The following DNLZ variants were observed in gnomAD, a reference collection of about 807,000 sequenced individuals.
DNLZ encodes the protein DNL-type zinc finger protein.
In DNLZ, 15 loss-of-function variants were observed where a neutral mutation model predicts 7.8. That is an observed-to-expected ratio of 1.91 (90% CI 1.28 to 2.95). The LOEUF (loss-of-function observed/expected upper bound fraction) is 2.95. Ranked by LOEUF, DNLZ falls within the 30% of genes most tolerant of loss-of-function variation. The pLI is 0.00. For missense variants in DNLZ, 255 were observed against 167.3 expected, an observed-to-expected ratio of 1.52 and a Z score of -2.89; for synonymous variants, 123 against 77.8, an observed-to-expected ratio of 1.58 and a Z score of -3.05.
chr9:136,362,323 A>G, intron 2 of DNLZ, 143 bp from the exon 3 acceptor site: 1 of 691,442 alleles, frequency 1.4e-6, no homozygotes, highest in Non-Finnish European at 2.1e-6. Flanking sequence ...CGGGCACTTC[A>G]GACGCTGGCC....
Position 136,360,052 on chromosome 9 carries a change from G to A in DNLZ, c.*1960C>T, listed in dbSNP as rs1269367384. 1 of 152,306 alleles carries A rather than the reference G, an allele frequency of 6.6e-6. No homozygotes were observed. The highest frequency in any genetic ancestry group is 1.5e-5 in the Non-Finnish European group (1 of 68,098). The allele number at this position is 152,306 out of a possible 1,614,324, so 9.4% of individuals were successfully genotyped here. A position where few individuals can be genotyped will look rare whatever the true frequency, so the allele number is the denominator to read the frequency against. On this transcript the variant is annotated 3_prime_UTR_variant, in exon 3 of 3. Transcript: ENST00000371738. ...CGGCAGATCTGCAGTCTTGGGGCTT[G>A]TCTGGGCGCTGCTTGTGGTGGGTGG...
Position 136,363,346 on chromosome 9 carries a change from C to T in DNLZ, c.228+141G>A, listed in dbSNP as rs917462083. On this transcript the variant is annotated intron_variant, in intron 1 of 2. Transcript: ENST00000371738. Reference sequence around the variant, plus strand: ...CTCATGGTCCGCCTCCGCTCCCTCCCAGAAGCCCCAAGGGGTGGCTCCACT... The same window carrying T: ...CTCATGGTCCGCCTCCGCTCCCTCCTAGAAGCCCCAAGGGGTGGCTCCACT... The T allele has an allele frequency of 3.6e-5, 25 of 701,452 alleles. No homozygotes were observed. In the Middle Eastern group the frequency reaches 1.8e-3, roughly 51 times the overall value. 43.5% of individuals were successfully genotyped at this position (701,452 alleles called of 1,614,324 possible).
Position 136,363,144 on chromosome 9 carries a change from TAGCTGGTGAGGCTGTG to T in DNLZ, c.229-32_229-17del. 1 of 1,612,248 alleles carries T rather than the reference TAGCTGGTGAGGCTGTG, an allele frequency of 6.2e-7. No individual in the cohort carries two copies. The highest frequency in any genetic ancestry group is 8.5e-7 in the Non-Finnish European group (1 of 1,179,484). ...TCCCGCAGACCTGGCTGGGACAGGG[TAGCTGGTGAGGCTGTG>T]AGGGCCGCCACGCCCCTCCCGGGAA... On this transcript the variant is annotated splice_polypyrimidine_tract_variant and intron_variant, in intron 1 of 2. Transcript: ENST00000371738.
chr9:136,363,040 T>G lies in DNLZ; in HGVS notation c.317A>C (p.His106Pro). ...VIVTCPGCQNHHIIADNLGWF... is the reference protein window; with the variant it reads ...VIVTCPGCQNPHIIADNLGWF... ...GCCCAGGTTGTCAGCGATGATATGG[T>G]GGTTCTGGCAGCCGGGGCAGGTCAC... Residue 106 changes from histidine (H) to proline (P), a missense_variant, in exon 2 of 3, where the codon CAC becomes CCC. His to Pro is a moderately conservative substitution (Grantham distance 77, BLOSUM62 -2). Coordinates refer to ENST00000371738, the MANE Select transcript of DNLZ (RefSeq NM_001080849.3). The G allele has an allele frequency of 6.2e-7, 1 of 1,613,776 alleles. No homozygotes were observed. Among genetic ancestry groups the G allele is most frequent in the East Asian group, 2.2e-5 (1 of 44,876 alleles).
At chr9:136,363,388 C>A (rs147881655) in intron 1 of DNLZ, 99 bp downstream of exon 1, 8,608 of 748,790 alleles carry the variant, frequency 0.011, 74 homozygotes, top group Non-Finnish European at 0.016. Flanking sequence ...TGTGACTTGA[C>A]CACGCCGCCT....
intron 2 of DNLZ, among the ~76,000 whole-genome samples, 195 bp from the exon 3 acceptor site, chr9:136,362,375 G>A (rs1469448491): frequency 7.2e-5 from 11 of 152,178 alleles, no homozygotes; most frequent in Non-Finnish European, 1.3e-4. Flanking sequence ...GGTATGCGCC[G>A]CCTCAGGAAC....
intron 2 of DNLZ, 123 bp downstream of exon 2, chr9:136,362,866 T>C: frequency 2.4e-6 from 2 of 845,240 alleles, no homozygotes; most frequent in Non-Finnish European, 3.8e-6. Flanking sequence ...TGTCTTGTAT[T>C]GATAAGGTGG....
chr9:136,362,658 A>C (rs1833001788), intron 2 of DNLZ, among the ~76,000 whole-genome samples: 1 of 152,140 alleles, frequency 6.6e-6, no homozygotes, highest in African/African-American at 2.4e-5. Flanking sequence ...TGGGCCAGCC[A>C]CCCCAAGATG....
At chr9:136,363,419 C>T (rs1833021921) in intron 1 of DNLZ, 68 bp downstream of exon 1, 1 of 760,016 alleles carries the variant, frequency 1.3e-6, no homozygotes, top group East Asian at 2.4e-5. Context: ...CGGCGGGCCG[C>T]TTCTCCCCGC....
At chr9:136,363,369 A>G in intron 1 of DNLZ, 118 bp downstream of exon 1, 1 of 726,558 alleles carries the variant, frequency 1.4e-6, no homozygotes, top group Non-Finnish European at 2.5e-6. Context: ...GGGTGGCTCC[A>G]CTCCTTCCTG....
Position 136,363,524 on chromosome 9 carries a change from A to C in DNLZ, c.191T>G (p.Val64Gly). Reference sequence around the variant, plus strand: ...GACGAGCTGGTAGTGCGCCGCCTCCACGCGCCCCAGAGCCGCCGCGGGCCC... The same window carrying C: ...GACGAGCTGGTAGTGCGCCGCCTCCCCGCGCCCCAGAGCCGCCGCGGGCCC... ...GPGPAAALGR[V>G]EAAHYQLVYT... is the part of the protein sequence containing the mutation. Residue 64 changes from valine to glycine, a missense_variant, in exon 1 of 3, where the codon GTG becomes GGG. Coordinates refer to ENST00000371738, the MANE Select transcript of DNLZ (RefSeq NM_001080849.3). 2.7e-6 allele frequency: 2 copies of C among 750,092 alleles called. No individual in the cohort carries two copies. The highest frequency in any genetic ancestry group is 1.4e-5 in the South Asian group (1 of 73,378). 46.5% of individuals were successfully genotyped at this position (750,092 alleles called of 1,614,324 possible).
chr9:136,363,040 T>C lies in DNLZ; in HGVS notation c.317A>G (p.His106Arg). 1 of 1,613,776 alleles carries C rather than the reference T, an allele frequency of 6.2e-7. No individual in the cohort carries two copies. Among genetic ancestry groups the C allele is most frequent in the East Asian group, 2.2e-5 (1 of 44,876 alleles). ...VIVTCPGCQNHHIIADNLGWF... is the reference protein window; with the variant it reads ...VIVTCPGCQNRHIIADNLGWF... ...GCCCAGGTTGTCAGCGATGATATGG[T>C]GGTTCTGGCAGCCGGGGCAGGTCAC... The change falls in exon 2 of 3, where the codon CAC becomes CGC. Residue 106 changes from histidine to arginine, a missense_variant. Coordinates refer to ENST00000371738, the MANE Select transcript of DNLZ (RefSeq NM_001080849.3).
intron 2 of DNLZ, among the ~76,000 whole-genome samples, chr9:136,362,640 C>A (rs1166446557): frequency 6.6e-6 from 1 of 152,252 alleles, no homozygotes; most frequent in Non-Finnish European, 1.5e-5. Context: ...ACACCCCAAG[C>A]CTTGCTGTGG....
intron 2 of DNLZ, 87 bp from the exon 3 acceptor site, chr9:136,362,267 A>C (rs550200863): frequency 8.2e-7 from 1 of 1,220,544 alleles, no homozygotes; most frequent in Non-Finnish European, 1.1e-6. Context: ...TGGCCAGGCC[A>C]GAGCTGCAAG....
chr9:136,363,739 TGCCCCG>T, exon 1 of DNLZ: 1 of 481,198 alleles, frequency 2.1e-6, no homozygotes, highest in South Asian at 2.6e-5. Flanking sequence ...CCGTCCGCCC[TGCCCCG>T]GCCCCGCCCC....
chr9:136,363,401 C>T (rs1833021310), intron 1 of DNLZ, 86 bp downstream of exon 1: 1 of 755,378 alleles, frequency 1.3e-6, no homozygotes, highest in Admixed American at 1.7e-5. Flanking sequence ...CGCCGCCTCC[C>T]GGATCCCCGG....
rs201390727 is a variant in DNLZ, at chr9:136,363,148, T to G, written c.229-20A>C. 1.2e-3 allele frequency: 1,960 copies of G among 1,611,548 alleles called. 4 individuals carry two copies. Among genetic ancestry groups the G allele is most frequent in the Non-Finnish European group, 1.5e-3 (1,807 of 1,179,020 alleles). On this transcript the variant is annotated intron_variant, in intron 1 of 2. Coordinates refer to ENST00000371738, the MANE Select transcript of DNLZ (RefSeq NM_001080849.3). ...GCAGACCTGGCTGGGACAGGGTAGC[T>G]GGTGAGGCTGTGAGGGCCGCCACGC...
chr9:136,359,953 G>T lies in DNLZ; in HGVS notation c.*2059C>A, dbSNP rs1309971986. 2 of 152,418 alleles carry T rather than the reference G, an allele frequency of 1.3e-5. No homozygotes were observed. Among genetic ancestry groups the T allele is most frequent in the Admixed American group, 1.3e-4 (2 of 15,308 alleles). The allele number at this position is 152,418 out of a possible 1,614,324, so 9.4% of individuals were successfully genotyped here. A position where few individuals can be genotyped will look rare whatever the true frequency, so the allele number is the denominator to read the frequency against. ...GCTGCCGCCCACCCAGCACCCGGGG[G>T]AGGGAGGTCCTTTCCTGGAGTCTGA... On this transcript the variant is annotated 3_prime_UTR_variant, in exon 3 of 3. Transcript: ENST00000371738.
At position 136,360,883 on chromosome 9, in the gene DNLZ, G is replaced by C. The variant is rs1231983110; in HGVS notation, c.*1129C>G. 3 of 152,240 alleles carry C rather than the reference G, an allele frequency of 2.0e-5. No homozygotes were observed. Among genetic ancestry groups the C allele is most frequent in the Non-Finnish European group, 4.4e-5 (3 of 68,070 alleles). 9.4% of individuals were successfully genotyped at this position (152,240 alleles called of 1,614,324 possible). On this transcript the variant is annotated 3_prime_UTR_variant, in exon 3 of 3. Transcript: ENST00000371738. ...GTCCAGGCCCTCTGGAGGCAGTGAG[G>C]CAGCCAAGCCAAGCCCAGCCCCACT...
Sources: allele counts gnomAD v4.1 joint callset (sites outside exome capture counted in the v4.1 genomes callset), GRCh38; gene constraint gnomAD v4.1.1; transcripts MANE v1.5; gene names NCBI Gene and HGNC (gene_info 2026-07-23, HGNC 2026-07-21).